The following PKHD1 variants were observed in gnomAD, a reference collection of about 807,000 sequenced individuals.
PKHD1 encodes the protein fibrocystin.
PKHD1 carries 291 observed loss-of-function variants against 412.0 expected under a neutral mutation model. The ratio of observed to expected loss-of-function variants is 0.71; its 90% CI spans 0.64 to 0.78. PKHD1 has a LOEUF of 0.78. Among genes scored for constraint, PKHD1 ranks in the 30% least tolerant of loss-of-function variants. The pLI, the probability that PKHD1 is intolerant of heterozygous loss-of-function variation, is 0.00. For synonymous variants in PKHD1, 1,777 were observed against 1,821.5 expected (o/e 0.98, Z 0.62); for missense variants, 4,825 against 4,950.7 (o/e 0.97, Z 0.76).
chr6:51,643,552 T>G (rs974060074), intron 63 of PKHD1, among the ~76,000 whole-genome samples: 12 of 152,130 alleles, frequency 7.9e-5, no homozygotes, highest in African/African-American at 2.9e-4. Context: ...GGCCTTTAAA[T>G]TTGGATTGTA....
intron 61 of PKHD1, among the ~76,000 whole-genome samples, chr6:51,652,967 T>A (rs1771200304): frequency 6.6e-6 from 1 of 152,268 alleles, no homozygotes; most frequent in East Asian, 1.9e-4. Context: ...TTTGGACAAT[T>A]TTGTACTCTG....
At chr6:51,778,854 T>A (rs1217948450) in intron 53 of PKHD1, among the ~76,000 whole-genome samples, 1 of 152,104 alleles carries the variant, frequency 6.6e-6, no homozygotes, top group African/African-American at 2.4e-5. Flanking sequence ...TAAGAAATTA[T>A]TTACCCTTCC....
intron 35 of PKHD1, among the ~76,000 whole-genome samples, chr6:51,985,825 A>G (rs1796139927): frequency 6.6e-6 from 1 of 152,198 alleles, no homozygotes; most frequent in African/African-American, 2.4e-5. Context: ...GATACATAAT[A>G]ATTATACATA....
rs1261859085 is a variant in PKHD1 at position 51,841,384 on chromosome 6, TCCTCTCCTC to T, written c.8108-4924_8108-4916del. Reference sequence around the variant, plus strand: ...AAGTTTCCTTCCCTTTCCTTTCTCCTCCTCTCCTCTTCTCTCCTCTCCTCTCCTTTCCTT... The same window carrying T: ...AAGTTTCCTTCCCTTTCCTTTCTCCTTTCTCTCCTCTCCTCTCCTTTCCTT... On this transcript the variant is annotated intron_variant, in intron 50 of 66. Coordinates refer to ENST00000371117, the MANE Select transcript of PKHD1 (RefSeq NM_138694.4). 1.9e-3 allele frequency among the ~76,000 whole-genome samples: 289 copies of T among 152,262 alleles called. 1 individual carries two copies. Among genetic ancestry groups the T allele is most frequent in the Non-Finnish European group, 3.0e-3 (205 of 68,014 alleles).
At chr6:51,939,164 C>T (rs1049773768) in intron 36 of PKHD1, among the ~76,000 whole-genome samples, 1 of 151,226 alleles carries the variant, frequency 6.6e-6, no homozygotes, top group Admixed American at 6.6e-5. Flanking sequence ...CAAGGACCCC[C>T]CTGACCCCTT....
rs368078589 is a variant in PKHD1 at position 51,903,057 on chromosome 6, A to G, written c.6996+540T>C. Reference sequence around the variant, plus strand: ...ACAAAAATCAGCACCCAGAGTTGGTAGTTCAGGGAGATATTTTAGTTTGCA... The same window carrying G: ...ACAAAAATCAGCACCCAGAGTTGGTGGTTCAGGGAGATATTTTAGTTTGCA... On this transcript the variant is annotated intron_variant, in intron 43 of 66. Coordinates refer to ENST00000371117, the MANE Select transcript of PKHD1 (RefSeq NM_138694.4). Among the ~76,000 whole-genome samples, 8 of 152,290 alleles carry G rather than the reference A, an allele frequency of 5.3e-5. No homozygotes were observed. In the East Asian group the frequency reaches 1.2e-3, roughly 22 times the overall value.
chr6:52,082,055 T>C (rs1338601628), intron 4 of PKHD1, among the ~76,000 whole-genome samples: 3 of 152,222 alleles, frequency 2.0e-5, no homozygotes, highest in African/African-American at 7.2e-5. Flanking sequence ...ATTGCAATTA[T>C]GCCTATTCCA....
intron 53 of PKHD1, among the ~76,000 whole-genome samples, chr6:51,781,291 T>G (rs547788625): frequency 6.6e-6 from 1 of 152,216 alleles, no homozygotes; most frequent in East Asian, 1.9e-4. Flanking sequence ...TGAAAATAAA[T>G]GTAGGGTAGA....
chr6:51,798,558 T>C (rs1794946293), intron 52 of PKHD1, among the ~76,000 whole-genome samples: 1 of 152,118 alleles, frequency 6.6e-6, no homozygotes, highest in South Asian at 2.1e-4. Context: ...TTTAACATTT[T>C]TGCCTCCATT....
At chr6:52,069,597 C>T in intron 10 of PKHD1, 70 bp from the exon 11 acceptor site, 3 of 1,157,596 alleles carry the variant, frequency 2.6e-6, no homozygotes, top group Non-Finnish European at 3.9e-6. Context: ...TAGTCGGCTG[C>T]CTGAAAGGAA....
At chr6:52,017,283 C>T (rs1800683232) in intron 34 of PKHD1, 127 bp downstream of exon 34, 1 of 757,046 alleles carries the variant, frequency 1.3e-6, no homozygotes, top group East Asian at 2.5e-5. Context: ...ATGGCCCCTC[C>T]AAGAGAGTTG....
intron 18 of PKHD1, among the ~76,000 whole-genome samples, chr6:52,056,474 AGCCCAGGAGGAAT>A (rs1247089189): frequency 2.0e-5 from 3 of 152,178 alleles, no homozygotes; most frequent in Admixed American, 6.5e-5. Flanking sequence ...TCTACCTAAC[AGCCCAGGAGGAAT>A]GCCTTTCCTT....
chr6:51,790,279 AC>A, intron 53 of PKHD1, among the ~76,000 whole-genome samples: 1 of 152,332 alleles, frequency 6.6e-6, no homozygotes, highest in East Asian at 1.9e-4. Context: ...GAGACAGGGT[AC>A]ATGTCTTTTC....
chr6:51,671,270 C>A (rs552425113), intron 60 of PKHD1, among the ~76,000 whole-genome samples: 2 of 152,230 alleles, frequency 1.3e-5, no homozygotes, highest in South Asian at 4.1e-4. Flanking sequence ...TTTCTCTAAA[C>A]TTCCCTTCTC....
chr6:51,981,036 G>A (rs1795075102), intron 35 of PKHD1, among the ~76,000 whole-genome samples: 1 of 152,002 alleles, frequency 6.6e-6, no homozygotes, highest in Admixed American at 6.6e-5. Flanking sequence ...AAAAAGTTAA[G>A]TTCCTATATT....
In PKHD1 at chr6:52,014,998, A is replaced by G. The variant is rs568443137; in HGVS notation, c.5600+2412T>C. On this transcript the variant is annotated intron_variant, in intron 34 of 66. Coordinates refer to ENST00000371117, the MANE Select transcript of PKHD1 (RefSeq NM_138694.4). The stretch of plus-strand genomic sequence containing the variant: ...AATATGGTCAGTACTCCAACCACCT[A>G]GAGATAGGCACCATCAACATTCTTG... Among the ~76,000 whole-genome samples, 104 of 152,338 alleles carry G rather than the reference A, an allele frequency of 6.8e-4. 1 individual carries two copies. The highest frequency in any genetic ancestry group is 1.3e-3 in the Non-Finnish European group (86 of 68,030).
intron 37 of PKHD1, among the ~76,000 whole-genome samples, chr6:51,924,179 G>A (rs2127725206): frequency 6.6e-6 from 1 of 152,148 alleles, no homozygotes; most frequent in East Asian, 1.9e-4. Flanking sequence ...GTATTGCTTT[G>A]ATGATGCATA....
intron 27 of PKHD1, 90 bp downstream of exon 27, chr6:52,042,769 G>T: frequency 8.8e-7 from 1 of 1,139,344 alleles, no homozygotes; most frequent in Non-Finnish European, 1.3e-6. Flanking sequence ...CAGTGAATAT[G>T]GAATTCATTA....
intron 60 of PKHD1, among the ~76,000 whole-genome samples, chr6:51,670,541 A>G (rs1774755609): frequency 6.6e-6 from 1 of 151,210 alleles, no homozygotes; most frequent in South Asian, 2.1e-4. Flanking sequence ...CATTTAGTCC[A>G]TTTACATTTA....
Sources: allele counts gnomAD v4.1 joint callset (sites outside exome capture counted in the v4.1 genomes callset), GRCh38; gene constraint gnomAD v4.1.1; transcripts MANE v1.5; gene names NCBI Gene and HGNC (gene_info 2026-07-23, HGNC 2026-07-21).